Variants in ZNF670 observed in about 807,000 individuals in gnomAD.
ZNF670 encodes zinc finger protein 670.
ZNF670 carries 7 observed loss-of-function variants against 10.9 expected under a neutral mutation model. The observed-to-expected ratio is 0.64, with a 90% CI of 0.36 to 1.20. The LOEUF (loss-of-function observed/expected upper bound fraction) is 1.20. ZNF670 is among the 50% of genes most tolerant of loss of function. The pLI is 0.02. For missense variants in ZNF670, 446 were observed against 458.6 expected, an observed-to-expected ratio of 0.97 and a Z score of 0.25; for synonymous variants, 136 against 152.7, an observed-to-expected ratio of 0.89 and a Z score of 0.81.
At chr1:247,076,618 C>A (rs192072393) in intron 1 of ZNF670, among the ~76,000 whole-genome samples, 5 of 151,458 alleles carry the variant, frequency 3.3e-5, no homozygotes, top group African/African-American at 1.2e-4. Context: ...GCTCTTATAC[C>A]TGGTGTTTTT....
intron 1 of ZNF670, 49 bp from the exon 2 acceptor site, chr1:247,039,586 A>G: frequency 4.0e-6 from 6 of 1,491,416 alleles, no homozygotes; most frequent in Non-Finnish European, 5.3e-6. Context: ...GACAGACAGT[A>G]CTAAGAATCT....
chr1:247,062,789 C>T (rs1038662451), intron 1 of ZNF670, among the ~76,000 whole-genome samples: 3 of 152,186 alleles, frequency 2.0e-5, no homozygotes, highest in Non-Finnish European at 4.4e-5. Context: ...CGGAAGACTC[C>T]CCTCAGCACA....
rs547120236 is a variant in ZNF670 at position 247,076,858 on chromosome 1, G to A, written c.3+1736C>T. The stretch of plus-strand genomic sequence containing the variant: ...GTATTTTTAGTAGAGACAGTGTTTT[G>A]CCATACTGGCAAGGCTGGTCTCAAA... On this transcript the variant is annotated intron_variant, in intron 1 of 3. Coordinates refer to ENST00000366503, the MANE Select transcript of ZNF670 (RefSeq NM_033213.5). Among the ~76,000 whole-genome samples the A allele has an allele frequency of 2.0e-5, 3 of 152,084 alleles. No individual in the cohort carries two copies. In the East Asian group the frequency reaches 5.8e-4, roughly 30 times the overall value.
At chr1:247,070,695 C>T (rs1192298981) in intron 1 of ZNF670, among the ~76,000 whole-genome samples, 1 of 152,144 alleles carries the variant, frequency 6.6e-6, no homozygotes, top group East Asian at 1.9e-4. Flanking sequence ...AGTAAACAGA[C>T]AACCTACAGA....
chr1:247,063,950 C>A, intron 1 of ZNF670, among the ~76,000 whole-genome samples: 1 of 152,236 alleles, frequency 6.6e-6, no homozygotes, highest in East Asian at 1.9e-4. Flanking sequence ...CAGCCTCACC[C>A]TGCACTGAAG....
At chr1:247,074,238 C>T (rs1653754056) in intron 1 of ZNF670, among the ~76,000 whole-genome samples, 1 of 152,038 alleles carries the variant, frequency 6.6e-6, no homozygotes, top group African/African-American at 2.4e-5. Flanking sequence ...ACTTGCTAAC[C>T]AAATTTTACT....
Position 247,061,532 on chromosome 1 carries a change from GA to G in ZNF670, c.3+17061del, listed in dbSNP as rs1268218374. Among the ~76,000 whole-genome samples the G allele has an allele frequency of 5.3e-5, 8 of 151,992 alleles. No homozygotes were observed. The South Asian group carries it at 1.7e-3, about 32-fold the overall frequency. ...TAATAAATTATATAAAATAATAATA[GA>G]AAAAACTATACAACGATATTTATAC... On this transcript the variant is annotated intron_variant, in intron 1 of 3. Transcript: ENST00000366503.
Position 247,038,424 on chromosome 1 carries a change from A to T in ZNF670, c.195T>A (p.Ser65Arg). 1 of 1,600,060 alleles carries T rather than the reference A, an allele frequency of 6.2e-7. No individual in the cohort carries two copies. The highest frequency in any genetic ancestry group is 8.5e-7 in the Non-Finnish European group (1 of 1,174,256). ...DFKNPGRNLS[S>R]HVVERLFEIK... The stretch of plus-strand genomic sequence containing the variant: ...TTTCAAACAGTCTCTCTACCACATG[A>T]CTGCTGTAAAAATGATAAACATCAT... Residue 65 changes from serine (S) to arginine (R), a missense_variant, in exon 4 of 4, where the codon AGT becomes AGA. Coordinates refer to ENST00000366503, the MANE Select transcript of ZNF670 (RefSeq NM_033213.5).
At chr1:247,049,133 CTG>C (rs943289558) in intron 1 of ZNF670, among the ~76,000 whole-genome samples, 4 of 139,162 alleles carry the variant, frequency 2.9e-5, no homozygotes, top group Non-Finnish European at 4.5e-5. Flanking sequence ...GAGTCTCACT[CTG>C]TCATCCAGGC....
chr1:247,063,369 CAAGACTAGCT>C (rs1346208642), intron 1 of ZNF670, among the ~76,000 whole-genome samples: 2 of 151,768 alleles, frequency 1.3e-5, no homozygotes, highest in African/African-American at 4.8e-5. Context: ...GTCAGGAGAT[CAAGACTAGCT>C]GAGACCATCC....
At chr1:247,068,340 TG>T (rs1671040490) in intron 1 of ZNF670, among the ~76,000 whole-genome samples, 1 of 74,886 alleles carries the variant, frequency 1.3e-5, no homozygotes, top group Non-Finnish European at 2.7e-5. Context: ...AAAAAAAAGA[TG>T]GGCAAAAGAT....
At chr1:247,039,369 T>C (rs765728496) in intron 2 of ZNF670, 42 bp downstream of exon 2, 2 of 1,591,134 alleles carry the variant, frequency 1.3e-6, no homozygotes, top group Non-Finnish European at 1.7e-6. Flanking sequence ...CCAAAACACT[T>C]GCGTTGTAAT....
In ZNF670 at chr1:247,035,879, AG is replaced by A. The variant is rs1670138266; in HGVS notation, c.*1569del. ...ACTTTTAACATTTTGGAATATTTGC[AG>A]AAAACTTACTGGATGAGCATCCCTA... On this transcript the variant is annotated 3_prime_UTR_variant, in exon 4 of 4. Transcript: ENST00000366503. Among the ~76,000 whole-genome samples the A allele has an allele frequency of 6.6e-6, 1 of 152,222 alleles. No individual in the cohort carries two copies. The highest frequency in any genetic ancestry group is 1.5e-5 in the Non-Finnish European group (1 of 68,040).
At position 247,037,806 on chromosome 1, in the gene ZNF670, A is replaced by G. The variant is rs752764783; in HGVS notation, c.813T>C (p.His271=). 3.1e-6 allele frequency: 5 copies of G among 1,613,460 alleles called. No individual in the cohort carries two copies. Among genetic ancestry groups the G allele is most frequent in the Non-Finnish European group, 4.2e-6 (5 of 1,179,834 alleles). Residue 271 remains histidine (H), a synonymous_variant, in exon 4 of 4, where the codon CAT becomes CAC. Transcript: ENST00000366503. ...AFSRSTYLGI[H]ERTHTGEKPY... Reference sequence around the variant, plus strand: ...GTTTTTCTCCAGTATGCGTTCTTTCATGTATTCCCAAGTAAGTGGAACGAC... The same window carrying G: ...GTTTTTCTCCAGTATGCGTTCTTTCGTGTATTCCCAAGTAAGTGGAACGAC...
Position 247,067,292 on chromosome 1 carries a change from C to T in ZNF670, c.3+11302G>A, listed in dbSNP as rs564210519. Among the ~76,000 whole-genome samples the T allele has an allele frequency of 6.6e-5, 10 of 151,810 alleles. No individual in the cohort carries two copies. In the South Asian group the frequency reaches 1.9e-3, roughly 28 times the overall value. ...CTCTACTAAAAATACAAAAATCAGC[C>T]GGGCATGGTGGCGGGTGCCTGTAAT... is the stretch of plus-strand genomic sequence containing the variant. On this transcript the variant is annotated intron_variant, in intron 1 of 3. Coordinates refer to ENST00000366503, the MANE Select transcript of ZNF670 (RefSeq NM_033213.5).
At chr1:247,071,440 A>G (rs1007637320) in intron 1 of ZNF670, among the ~76,000 whole-genome samples, 2 of 152,248 alleles carry the variant, frequency 1.3e-5, no homozygotes, top group Non-Finnish European at 2.9e-5. Flanking sequence ...ACAGACACAA[A>G]GAGTTAAATA....
chr1:247,038,840 T>A lies in ZNF670; in HGVS notation c.161A>T (p.Asp54Val). The A allele has an allele frequency of 6.2e-7, 1 of 1,613,092 alleles. No individual in the cohort carries two copies. The part of the protein sequence containing the change: ...GNKSEDQNIQ[D>V]DFKNPGRNLS... ...ATTTCTCCCAGGATTTTTGAAGTCA[T>A]CTTGGATATTCTGGTCTTCTGATTT... Residue 54 changes from aspartate to valine, a missense_variant, in exon 3 of 4, where the codon GAT (aspartate) becomes GTT (valine). Physicochemically the swap from Asp to Val is radical, Grantham distance 152. Transcript: ENST00000366503.
intron 1 of ZNF670, among the ~76,000 whole-genome samples, chr1:247,051,044 C>G (rs7549531): frequency 0.094 from 14,196 of 151,614 alleles, 776 homozygotes; most frequent in South Asian, 0.19. Context: ...TGCGGTGGCT[C>G]ACACCTGTAA....
In ZNF670 at chr1:247,078,601, C is replaced by T; in HGVS notation, c.-5G>A. On this transcript the variant is annotated 5_prime_UTR_variant, in exon 1 of 4. Transcript: ENST00000366503. ...CCTGGCCGGCACACTCACCATTTCC[C>T]AGTCTCCGGTGTCTGGGGTCCTCCC... The T allele has an allele frequency of 6.2e-7, 1 of 1,613,944 alleles. No homozygotes were observed. The highest frequency in any genetic ancestry group is 8.5e-7 in the Non-Finnish European group (1 of 1,179,914).
Sources: allele counts gnomAD v4.1 joint callset (sites outside exome capture counted in the v4.1 genomes callset), GRCh38; gene constraint gnomAD v4.1.1; transcripts MANE v1.5; gene names NCBI Gene and HGNC (gene_info 2026-07-23, HGNC 2026-07-21).